Variants in CCT3 observed in about 807,000 individuals in gnomAD.
CCT3 encodes the protein T-complex protein 1 subunit gamma.
In CCT3, 10 loss-of-function variants were observed where a neutral mutation model predicts 65.3. The observed-to-expected ratio is 0.15, with a 90% CI of 0.09 to 0.26. The LOEUF (loss-of-function observed/expected upper bound fraction) is 0.26, where lower values mean the gene tolerates loss of function less well. Among genes scored for constraint, CCT3 ranks in the 10% least tolerant of loss-of-function variants. CCT3 has a pLI of 1.00. For synonymous variants in CCT3, 225 were observed against 242.3 expected (o/e 0.93, Z 0.66); for missense variants, 626 against 708.7 (o/e 0.88, Z 1.33).
intron 2 of CCT3, chr1:156,335,547 A>G (rs1238234431): frequency 5.1e-6 from 2 of 390,844 alleles, no homozygotes; most frequent in African/African-American, 2.1e-5. Context: ...CAAGTAACTC[A>G]GTTTAGTATG....
At chr1:156,323,751 C>T (rs928440235) in intron 6 of CCT3, among the ~76,000 whole-genome samples, 1 of 151,370 alleles carries the variant, frequency 6.6e-6, no homozygotes, top group Non-Finnish European at 1.5e-5. Context: ...AGACGTGAGC[C>T]ACCGCACCCA....
rs1018186247 is a variant in CCT3 at position 156,338,249 on chromosome 1, G to A, written c.-65C>T. The A allele has an allele frequency of 1.2e-5, 16 of 1,316,700 alleles. No individual in the cohort carries two copies. In the Middle Eastern group the frequency reaches 5.7e-4, roughly 47 times the overall value. The allele number at this position is 1,316,700 out of a possible 1,614,324, so 81.6% of individuals were successfully genotyped here. A position where few individuals can be genotyped will look rare whatever the true frequency, so the allele number is the denominator to read the frequency against. On this transcript the variant is annotated 5_prime_UTR_variant, in exon 1 of 14. Coordinates refer to ENST00000295688, the MANE Select transcript of CCT3 (RefSeq NM_005998.5). Reference sequence around the variant, plus strand: ...ACCGGCAGAACCTTCTGGAGAGAGAGAACCAGACAGAAGCCCAGAAAACGC... The same window carrying A: ...ACCGGCAGAACCTTCTGGAGAGAGAAAACCAGACAGAAGCCCAGAAAACGC...
At chr1:156,336,939 A>T in intron 1 of CCT3, 1 of 395,922 alleles carries the variant, frequency 2.5e-6, no homozygotes, top group Non-Finnish European at 3.7e-6. Context: ...TTTTTTCCTT[A>T]AAAGTTATTT....
At chr1:156,336,916 G>C (rs1324910413) in intron 1 of CCT3, among the ~76,000 whole-genome samples, 1 of 151,672 alleles carries the variant, frequency 6.6e-6, no homozygotes, top group East Asian at 1.9e-4. Context: ...TCAAAATAGC[G>C]TTTTTATTTT....
intron 11 of CCT3, 63 bp from the exon 12 acceptor site, chr1:156,311,258 A>T: frequency 1.3e-6 from 2 of 1,539,710 alleles, no homozygotes; most frequent in Non-Finnish European, 1.8e-6. Flanking sequence ...CGGAGGCACC[A>T]AAAGGACTTC....
rs2230196 is a variant in CCT3, at chr1:156,309,177, T to C, written c.*22A>G. The C allele has an allele frequency of 1.1e-5, 17 of 1,484,290 alleles. No homozygotes were observed. In the African/African-American group the frequency reaches 1.2e-4, roughly 11 times the overall value. 91.9% of individuals were successfully genotyped at this position (1,484,290 alleles called of 1,614,324 possible). On this transcript the variant is annotated 3_prime_UTR_variant, in exon 14 of 14. Coordinates refer to ENST00000295688, the MANE Select transcript of CCT3 (RefSeq NM_005998.5). ...GGGGAGACTCTGCTGGTTCTGTGCA[T>C]TGAAGTAGCCTTGCCTAGCACTCAC... is the stretch of plus-strand genomic sequence containing the variant.
intron 5 of CCT3, among the ~76,000 whole-genome samples, chr1:156,328,211 T>TC (rs1447370165): frequency 2.7e-5 from 2 of 74,568 alleles, no homozygotes; most frequent in Non-Finnish European, 6.1e-5. Context: ...GGGGGGTCAG[T>TC]CCCCCCGTCC....
chr1:156,309,194 A>ACTTCACTCACTT lies in CCT3; in HGVS notation c.*4_*5insAAGTGAGTGAAG. On this transcript the variant is annotated 3_prime_UTR_variant, in exon 14 of 14. Transcript: ENST00000295688. ...TCTGTGCATTGAAGTAGCCTTGCCT[A>ACTTCACTCACTT]GCACTCACTCCTGGCCAGCATCAGG... The ACTTCACTCACTT allele has an allele frequency of 6.3e-7, 1 of 1,589,286 alleles. No individual in the cohort carries two copies. Among genetic ancestry groups the ACTTCACTCACTT allele is most frequent in the Non-Finnish European group, 8.6e-7 (1 of 1,157,466 alleles).
At chr1:156,321,230 G>A (rs571046152) in intron 6 of CCT3, among the ~76,000 whole-genome samples, 2 of 152,238 alleles carry the variant, frequency 1.3e-5, no homozygotes, top group South Asian at 2.1e-4. Flanking sequence ...ATCTGTAGAC[G>A]GTGCCTTAAT....
Position 156,335,832 on chromosome 1 carries a change from C to A in CCT3, c.88G>T (p.Ala30Ser), listed in dbSNP as rs754506060. The change falls in exon 2 of 14, where the codon GCC (alanine) becomes TCC (serine). Residue 30 changes from alanine to serine, a missense_variant. Coordinates refer to ENST00000295688, the MANE Select transcript of CCT3 (RefSeq NM_005998.5). ...ACACTTAAAAGATTTGTGACCTTGG[C>A]AGCATTGATGTTTCCAGATTGAACT... is the stretch of plus-strand genomic sequence containing the variant. ...RKVQSGNINA[A>S]KTIADIIRTC... is the part of the protein sequence containing the mutation. 6.2e-7 allele frequency: 1 copy of A among 1,613,678 alleles called. No homozygotes were observed. Among genetic ancestry groups the A allele is most frequent in the South Asian group, 1.1e-5 (1 of 91,046 alleles).
chr1:156,323,162 C>T (rs973636506), intron 6 of CCT3, among the ~76,000 whole-genome samples: 39 of 151,838 alleles, frequency 2.6e-4, no homozygotes, highest in Middle Eastern at 3.4e-3. Context: ...CAAAATTAGC[C>T]GGATGTGGAT....
In CCT3 at chr1:156,334,760, T is replaced by C. The variant is rs950432674; in HGVS notation, c.160A>G (p.Met54Val). ...KSMMKMLLDP[M>V]GGIVMTNDGN... Reference sequence around the variant, plus strand: ...TCATTGGTCATCACAATGCCTCCCATTGGGTCCAAAAGCATCTAAGATGAA... The same window carrying C: ...TCATTGGTCATCACAATGCCTCCCACTGGGTCCAAAAGCATCTAAGATGAA... The change falls in exon 4 of 14, where the codon ATG (methionine) becomes GTG (valine). Residue 54 changes from methionine (M) to valine (V), a missense_variant. Transcript: ENST00000295688. 1.2e-5 allele frequency: 20 copies of C among 1,614,024 alleles called. No individual in the cohort carries two copies. Among genetic ancestry groups the C allele is most frequent in the African/African-American group, 6.7e-5 (5 of 74,938 alleles).
At chr1:156,310,754 G>C in intron 12 of CCT3, 65 bp from the exon 13 acceptor site, 17 of 1,580,052 alleles carry the variant, frequency 1.1e-5, no homozygotes, top group Non-Finnish European at 1.5e-5. Flanking sequence ...AAGAAATGAA[G>C]TAAAAAACAA....
chr1:156,333,728 C>T (rs1023370435), intron 4 of CCT3, 85 bp from the exon 5 acceptor site: 4 of 950,176 alleles, frequency 4.2e-6, no homozygotes, highest in Admixed American at 1.9e-5. Flanking sequence ...GGGCTTCTTG[C>T]TTCTATACGT....
intron 10 of CCT3, among the ~76,000 whole-genome samples, chr1:156,316,917 C>T (rs1462673632): frequency 6.6e-6 from 1 of 152,122 alleles, no homozygotes. Flanking sequence ...CGGACACCCA[C>T]CAAGGTAGCA....
chr1:156,317,499 T>A lies in CCT3; in HGVS notation c.808A>T (p.Met270Leu). The change falls in exon 9 of 14, where the codon ATG becomes TTG. Residue 270 changes from methionine (M) to leucine (L), a missense_variant. Met to Leu is a conservative substitution (Grantham distance 15). Transcript: ENST00000295688. The part of the protein sequence containing the change: ...REEDFTRILQ[M>L]EEEYIQQLCE... ...AGCTGCTGGATGTACTCTTCCTCCA[T>A]CTGGAGAATTCGGGTGAAGTCCTCC... 6.2e-7 allele frequency: 1 copy of A among 1,613,894 alleles called. No homozygotes were observed. Among genetic ancestry groups the A allele is most frequent in the Non-Finnish European group, 8.5e-7 (1 of 1,179,792 alleles).
chr1:156,322,486 A>AC (rs751910954), intron 6 of CCT3, among the ~76,000 whole-genome samples: 4 of 150,998 alleles, frequency 2.6e-5, no homozygotes, highest in South Asian at 2.1e-4. Flanking sequence ...ACAGAGCGAG[A>AC]CCCCCCGCCA....
chr1:156,329,012 C>T (rs1664986639), intron 5 of CCT3, among the ~76,000 whole-genome samples: 1 of 152,050 alleles, frequency 6.6e-6, no homozygotes, highest in South Asian at 2.1e-4. Flanking sequence ...ATGTTTCAGC[C>T]AACAATGGAC....
intron 13 of CCT3, among the ~76,000 whole-genome samples, chr1:156,309,821 A>G (rs1259822440): frequency 6.6e-6 from 1 of 151,498 alleles, no homozygotes; most frequent in Non-Finnish European, 1.5e-5. Flanking sequence ...GGTGGATCAC[A>G]AGGTCAGGAG....
Sources: allele counts gnomAD v4.1 joint callset (sites outside exome capture counted in the v4.1 genomes callset), GRCh38; gene constraint gnomAD v4.1.1; transcripts MANE v1.5; gene names NCBI Gene and HGNC (gene_info 2026-07-23, HGNC 2026-07-21).